KIAA0319: variants seen among roughly 807,000 people sequenced by gnomAD.
KIAA0319 encodes KIAA0319.
A neutral mutation model predicts 108.4 loss-of-function variants in KIAA0319; 83 were observed. That is an observed-to-expected ratio of 0.77 (90% CI 0.64 to 0.92). The LOEUF is 0.92. Among genes scored for constraint, KIAA0319 ranks in the 40% least tolerant of loss-of-function variants. KIAA0319 has a pLI of 0.00. For missense variants in KIAA0319, 1,195 were observed against 1,322.4 expected (o/e 0.90, Z 1.49); for synonymous variants, 484 against 510.4 (o/e 0.95, Z 0.70).
At chr6:24,576,959 C>A (rs1206765337) in intron 9 of KIAA0319, among the ~76,000 whole-genome samples, 1 of 151,596 alleles carries the variant, frequency 6.6e-6, no homozygotes, top group Non-Finnish European at 1.5e-5. Flanking sequence ...AAAAAGTAGA[C>A]AAAAAAATAA....
At chr6:24,641,501 G>A (rs1017240239) in intron 1 of KIAA0319, among the ~76,000 whole-genome samples, 18 of 152,292 alleles carry the variant, frequency 1.2e-4, no homozygotes, top group African/African-American at 4.3e-4. Context: ...CTAAGTTTGG[G>A]AAAAGCAGTT....
In KIAA0319 at chr6:24,613,142, C is replaced by T. The variant is rs949450857; in HGVS notation, c.-105-11934G>A. ...ATTTAAAAAAATAAATTTAACATTCCTGCCTTTACTTTTGGTCGCTGAGAG... is the reference window on the plus strand; with the variant it reads ...ATTTAAAAAAATAAATTTAACATTCTTGCCTTTACTTTTGGTCGCTGAGAG... On this transcript the variant is annotated intron_variant, in intron 1 of 20. Transcript: ENST00000378214. Among the ~76,000 whole-genome samples, 3 of 152,120 alleles carry T rather than the reference C, an allele frequency of 2.0e-5. No homozygotes were observed. In the East Asian group the frequency reaches 5.8e-4, roughly 29 times the overall value.
At position 24,602,006 on chromosome 6, in the gene KIAA0319, A is replaced by ACACTACTGT. The variant is rs558213735; in HGVS notation, c.-105-807_-105-799dup. 2.8e-4 allele frequency among the ~76,000 whole-genome samples: 42 copies of ACACTACTGT among 150,990 alleles called. No individual in the cohort carries two copies. The East Asian group carries it at 7.5e-3, about 27-fold the overall frequency. On this transcript the variant is annotated intron_variant, in intron 1 of 20. Coordinates refer to ENST00000378214, the MANE Select transcript of KIAA0319 (RefSeq NM_014809.4). ...CTATGAAATAATGATGGAATAAATCACACTACTGTATTTCTTTTTTTTTTT... is the reference window on the plus strand; with the variant it reads ...CTATGAAATAATGATGGAATAAATCACACTACTGTCACTACTGTATTTCTTTTTTTTTTT...
At chr6:24,629,331 C>T (rs768654891) in intron 1 of KIAA0319, among the ~76,000 whole-genome samples, 12 of 151,718 alleles carry the variant, frequency 7.9e-5, no homozygotes, top group Non-Finnish European at 1.8e-4. Flanking sequence ...CTGGCTAACA[C>T]GGTGAAACCC....
intron 1 of KIAA0319, among the ~76,000 whole-genome samples, chr6:24,629,551 A>T (rs1775237725): frequency 6.6e-6 from 1 of 150,940 alleles, no homozygotes; most frequent in Admixed American, 6.6e-5. Flanking sequence ...CTCAGAATAC[A>T]TGAAACACTT....
At chr6:24,595,795 G>A (rs2127521722) in intron 3 of KIAA0319, 78 bp downstream of exon 3, 3 of 1,474,044 alleles carry the variant, frequency 2.0e-6, no homozygotes, top group East Asian at 4.6e-5. Context: ...TGAGTGCCCG[G>A]CTCCTGAAAC....
intron 1 of KIAA0319, among the ~76,000 whole-genome samples, chr6:24,630,035 C>A (rs1056859281): frequency 2.0e-5 from 3 of 151,960 alleles, no homozygotes; most frequent in African/African-American, 7.3e-5. Flanking sequence ...AAAAATTAGC[C>A]GGGCATGGTG....
intron 1 of KIAA0319, among the ~76,000 whole-genome samples, chr6:24,618,309 G>A (rs137919440): frequency 3.0e-4 from 45 of 152,040 alleles, no homozygotes; most frequent in East Asian, 1.5e-3. Flanking sequence ...AAACCAGAAC[G>A]TACAATTCAA....
In KIAA0319 at chr6:24,566,609, A is replaced by G; in HGVS notation, c.2280T>C (p.Ser760=). Reference sequence around the variant, plus strand: ...TCTCAGTACTCACTCCAGCTGCTGGACTCTGGCCATCCCGGATCCACAGAT... The same window carrying G: ...TCTCAGTACTCACTCCAGCTGCTGGGCTCTGGCCATCCCGGATCCACAGAT... The part of the protein sequence containing the change: ...VSYLWIRDGQ[S]PAAGDVIDGS... The change falls in exon 14 of 21, where the codon AGT becomes AGC. Residue 760 remains serine, a synonymous_variant. Coordinates refer to ENST00000378214, the MANE Select transcript of KIAA0319 (RefSeq NM_014809.4). 6.2e-7 allele frequency: 1 copy of G among 1,610,668 alleles called. No individual in the cohort carries two copies. Among genetic ancestry groups the G allele is most frequent in the Non-Finnish European group, 8.5e-7 (1 of 1,178,794 alleles).
At chr6:24,618,430 G>A (rs1773461599) in intron 1 of KIAA0319, among the ~76,000 whole-genome samples, 1 of 152,010 alleles carries the variant, frequency 6.6e-6, no homozygotes, top group African/African-American at 2.4e-5. Flanking sequence ...GCAACATAGT[G>A]AGATGTCATC....
rs528208562 is a variant in KIAA0319, at chr6:24,601,661, C to T, written c.-105-453G>A. On this transcript the variant is annotated intron_variant, in intron 1 of 20. Coordinates refer to ENST00000378214, the MANE Select transcript of KIAA0319 (RefSeq NM_014809.4). ...GCTAGAAGTGGGGCATCCTACGTGACTGGTTAGGAGGCATGTTTGGCTTTC... is the reference window on the plus strand; with the variant it reads ...GCTAGAAGTGGGGCATCCTACGTGATTGGTTAGGAGGCATGTTTGGCTTTC... Among the ~76,000 whole-genome samples, 3 of 152,104 alleles carry T rather than the reference C, an allele frequency of 2.0e-5. No individual in the cohort carries two copies. The South Asian group carries it at 6.2e-4, about 32-fold the overall frequency.
intron 1 of KIAA0319, among the ~76,000 whole-genome samples, chr6:24,613,228 A>T (rs1044424040): frequency 1.3e-5 from 2 of 152,172 alleles, no homozygotes; most frequent in Admixed American, 6.5e-5. Flanking sequence ...GTAAGAAAAG[A>T]CCTGGGTTAA....
intron 19 of KIAA0319, among the ~76,000 whole-genome samples, chr6:24,553,335 A>ACACG (rs1215978157): frequency 1.2e-5 from 1 of 83,824 alleles, no homozygotes; most frequent in African/African-American, 4.0e-5. Context: ...ACACACACAC[A>ACACG]CGCACATATA....
chr6:24,624,292 C>T (rs765582630), intron 1 of KIAA0319, among the ~76,000 whole-genome samples: 8 of 149,548 alleles, frequency 5.3e-5, no homozygotes, highest in Admixed American at 4.7e-4. Context: ...CCATCTACCT[C>T]GGCCTCCCAA....
At chr6:24,609,573 T>C (rs1772007315) in intron 1 of KIAA0319, among the ~76,000 whole-genome samples, 1 of 151,990 alleles carries the variant, frequency 6.6e-6, no homozygotes, top group African/African-American at 2.4e-5. Context: ...CGAGATTCTG[T>C]CTCAAAACCA....
intron 19 of KIAA0319, among the ~76,000 whole-genome samples, chr6:24,552,340 G>A (rs1761634720): frequency 6.6e-6 from 1 of 152,130 alleles, no homozygotes; most frequent in Admixed American, 6.5e-5. Flanking sequence ...AAAGCACTTA[G>A]CCATTAATCA....
intron 4 of KIAA0319, among the ~76,000 whole-genome samples, chr6:24,587,915 C>T (rs1337728298): frequency 6.6e-6 from 1 of 152,198 alleles, no homozygotes; most frequent in East Asian, 1.9e-4. Flanking sequence ...CAAATCTGAT[C>T]ATTTTGCTTT....
chr6:24,551,873 G>C (rs1184074667), intron 19 of KIAA0319, among the ~76,000 whole-genome samples: 1 of 152,154 alleles, frequency 6.6e-6, no homozygotes, highest in Non-Finnish European at 1.5e-5. Context: ...ATGAGCAAAT[G>C]TTCCCCTGAA....
chr6:24,579,901 T>C lies in KIAA0319; in HGVS notation c.1329A>G (p.Gln443=), dbSNP rs1766214016. 6.2e-7 allele frequency: 1 copy of C among 1,603,952 alleles called. No homozygotes were observed. The highest frequency in any genetic ancestry group is 1.3e-5 in the African/African-American group (1 of 74,760). The change falls in exon 8 of 21, where the codon CAA becomes CAG. Residue 443 remains glutamine, a synonymous_variant. Transcript: ENST00000378214. ...CTGACGTCAAAGGCAAAGTGAGCTC[T>C]TGCAGTTGGGGAGAAACAACTGCTA... The part of the protein sequence containing the change: ...PPVAVVSPQL[Q]ELTLPLTSAL...
Sources: allele counts gnomAD v4.1 joint callset (sites outside exome capture counted in the v4.1 genomes callset), GRCh38; gene constraint gnomAD v4.1.1; transcripts MANE v1.5; gene names NCBI Gene and HGNC (gene_info 2026-07-23, HGNC 2026-07-21).